ST7: variants seen among roughly 807,000 people sequenced by gnomAD.
ST7 encodes the protein suppression of tumorigenicity 7, also known as suppressor of tumorigenicity 7 protein.
ST7 carries 28 observed loss-of-function variants against 78.7 expected under a neutral mutation model. The observed-to-expected ratio is 0.36, with a 90% CI of 0.26 to 0.49. The LOEUF (loss-of-function observed/expected upper bound fraction) is 0.49. Among genes scored for constraint, ST7 ranks in the 20% least tolerant of loss-of-function variants. ST7 has a pLI of 0.99. For synonymous variants in ST7, 247 were observed against 249.6 expected, an observed-to-expected ratio of 0.99 and a Z score of 0.10; for missense variants, 418 against 696.0, an observed-to-expected ratio of 0.60 and a Z score of 4.49.
intron 10 of ST7, chr7:117,173,454 C>T (rs1808144051): frequency 6.6e-6 from 1 of 152,184 alleles, no homozygotes; most frequent in South Asian, 2.1e-4. Context: ...GAAAAACATG[C>T]CTCTTGTTTC....
intron 1 of ST7, among the ~76,000 whole-genome samples, chr7:117,064,167 G>T (rs1417379451): frequency 6.6e-6 from 1 of 150,490 alleles, no homozygotes; most frequent in African/African-American, 2.4e-5. Context: ...TAAAATTTAT[G>T]GGACAATATA....
At chr7:117,129,254 A>G (rs1563104278) in intron 3 of ST7, among the ~76,000 whole-genome samples, 1 of 151,898 alleles carries the variant, frequency 6.6e-6, no homozygotes, top group South Asian at 2.1e-4. Context: ...TTCCTACAAT[A>G]TGGTAATCTT....
At chr7:116,973,583 C>A (rs1793547226) in intron 1 of ST7, among the ~76,000 whole-genome samples, 1 of 152,108 alleles carries the variant, frequency 6.6e-6, no homozygotes, top group Non-Finnish European at 1.5e-5. Context: ...AAACTGTTAC[C>A]TAGACAGGTA....
intron 12 of ST7, among the ~76,000 whole-genome samples, chr7:117,207,880 T>C (rs962268860): frequency 6.6e-6 from 1 of 152,202 alleles, no homozygotes; most frequent in African/African-American, 2.4e-5. Context: ...ATGCTCTTCC[T>C]TATCCAACTT....
chr7:117,146,347 G>C (rs1482529974), intron 9 of ST7: 1 of 152,234 alleles, frequency 6.6e-6, no homozygotes, highest in African/African-American at 2.4e-5. Context: ...CAACAGCAAA[G>C]GAATCTTGGG....
intron 2 of ST7, among the ~76,000 whole-genome samples, chr7:117,101,868 A>G (rs1801590505): frequency 6.6e-6 from 1 of 152,208 alleles, no homozygotes; most frequent in African/African-American, 2.4e-5. Context: ...AGAAAGCCCA[A>G]TGCTGGCTGC....
At chr7:117,119,361 C>T (rs114131118) in intron 2 of ST7, among the ~76,000 whole-genome samples, 200 bp from the exon 3 acceptor site, 1,544 of 151,970 alleles carry the variant, frequency 0.01, 35 homozygotes, top group African/African-American at 0.036. Context: ...TTTTTGAAAC[C>T]AGTATTAAGC....
chr7:117,008,928 A>G (rs1481280657), intron 1 of ST7, among the ~76,000 whole-genome samples: 1 of 152,174 alleles, frequency 6.6e-6, no homozygotes, highest in African/African-American at 2.4e-5. Flanking sequence ...AGAATACGTC[A>G]TGATATGTGA....
chr7:117,169,532 T>G (rs897738357), intron 9 of ST7, among the ~76,000 whole-genome samples: 4 of 152,186 alleles, frequency 2.6e-5, no homozygotes, highest in African/African-American at 9.6e-5. Context: ...TTATATATTT[T>G]AACTTCCTTT....
chr7:117,166,550 C>T (rs1748476895), intron 9 of ST7, among the ~76,000 whole-genome samples: 1 of 151,492 alleles, frequency 6.6e-6, no homozygotes, highest in Non-Finnish European at 1.5e-5. Context: ...TCGTCATGTC[C>T]GTGATTGCCT....
intron 1 of ST7, among the ~76,000 whole-genome samples, chr7:117,053,431 C>G (rs79207792): frequency 0.021 from 3,243 of 152,294 alleles, 130 homozygotes; most frequent in African/African-American, 0.074. Flanking sequence ...CTTTGCCCTC[C>G]TCCTTTGAAG....
At chr7:117,001,284 AATGT>A (rs1794921756) in intron 1 of ST7, among the ~76,000 whole-genome samples, 1 of 151,944 alleles carries the variant, frequency 6.6e-6, no homozygotes, top group African/African-American at 2.4e-5. Flanking sequence ...TATGTAGAAG[AATGT>A]ATGTATTTGT....
rs570019196 is a variant in ST7 at position 116,986,643 on chromosome 7, C to T, written c.151+32952C>T. On this transcript the variant is annotated intron_variant, in intron 1 of 15. Transcript: ENST00000323984. ...TTGACATCAGATGAAATGGGGAAGG[C>T]TAGTGTGAGGGAAAAGAGGAGCAGG... 2.6e-5 allele frequency among the ~76,000 whole-genome samples: 4 copies of T among 152,080 alleles called. No individual in the cohort carries two copies. In the Middle Eastern group the frequency reaches 0.014, roughly 517 times the overall value.
chr7:117,046,510 G>A (rs1563039443), intron 1 of ST7, among the ~76,000 whole-genome samples: 1 of 151,864 alleles, frequency 6.6e-6, no homozygotes, highest in Non-Finnish European at 1.5e-5. Flanking sequence ...CTTCTCTCAG[G>A]GACATAGTGG....
intron 12 of ST7, among the ~76,000 whole-genome samples, chr7:117,194,542 G>T (rs1810105202): frequency 6.6e-6 from 1 of 152,190 alleles, no homozygotes; most frequent in Admixed American, 6.5e-5. Flanking sequence ...GGATGTTAAT[G>T]ATGCTGGTGA....
At position 117,161,591 on chromosome 7, in the gene ST7, C is replaced by CTTTTTTTTTT. The variant is rs60505994; in HGVS notation, c.964-9260_964-9251dup. Reference sequence around the variant, plus strand: ...TTTTTTCAGTTTGTTTTCTTTCTTTCTTTTTTTTTTTTTTTTTTTTCTTTC... The same window carrying CTTTTTTTTTT: ...TTTTTTCAGTTTGTTTTCTTTCTTTCTTTTTTTTTTTTTTTTTTTTTTTTTTTTTTCTTTC... On this transcript the variant is annotated intron_variant, in intron 9 of 15. Coordinates refer to ENST00000323984, the MANE Select transcript of ST7 (RefSeq NM_001369598.1). 1.3e-3 allele frequency among the ~76,000 whole-genome samples: 142 copies of CTTTTTTTTTT among 113,548 alleles called. 1 individual carries two copies. The highest frequency in any genetic ancestry group is 1.6e-3 in the Non-Finnish European group (94 of 58,720). 74.5% of individuals were successfully genotyped at this position (113,548 alleles called of 152,430 possible).
chr7:117,086,188 A>G (rs746527192), intron 1 of ST7, among the ~76,000 whole-genome samples: 9 of 152,114 alleles, frequency 5.9e-5, no homozygotes, highest in Non-Finnish European at 1.2e-4. Flanking sequence ...AGCAATCTCC[A>G]TCCATTTTGG....
chr7:116,959,300 T>C (rs1451032901), intron 1 of ST7: 1 of 469,824 alleles, frequency 2.1e-6, no homozygotes, highest in African/African-American at 2.0e-5. Context: ...TAATTCTAGT[T>C]ATTTTGCTGT....
intron 9 of ST7, among the ~76,000 whole-genome samples, chr7:117,168,763 G>A (rs576498718): frequency 6.6e-6 from 1 of 152,312 alleles, no homozygotes; most frequent in East Asian, 1.9e-4. Flanking sequence ...TAAAGATAGG[G>A]TAAATGATTA....
Sources: allele counts gnomAD v4.1 joint callset (sites outside exome capture counted in the v4.1 genomes callset), GRCh38; gene constraint gnomAD v4.1.1; transcripts MANE v1.5; gene names NCBI Gene and HGNC (gene_info 2026-07-23, HGNC 2026-07-21).